Variants in TBK1 observed in about 807,000 individuals in gnomAD.
The protein encoded by TBK1 is serine/threonine-protein kinase TBK1.
TBK1 carries 37 observed loss-of-function variants against 99.9 expected under a neutral mutation model. That is an observed-to-expected ratio of 0.37 (90% confidence interval 0.28 to 0.49). The LOEUF is 0.49. Ranked by LOEUF, TBK1 falls within the 20% of genes least tolerant of loss-of-function variation. The pLI is 0.98. For missense variants in TBK1, 644 were observed against 872.5 expected, an observed-to-expected ratio of 0.74 and a Z score of 3.30; for synonymous variants, 258 against 279.8, an observed-to-expected ratio of 0.92 and a Z score of 0.78.
intron 13 of TBK1, among the ~76,000 whole-genome samples, chr12:64,493,416 C>T (rs576435341): frequency 6.6e-6 from 1 of 151,512 alleles, no homozygotes; most frequent in African/African-American, 2.4e-5. Flanking sequence ...CACTTGAGGC[C>T]AGGAGTTCGA....
chr12:64,498,971 G>A (rs554142710), intron 20 of TBK1, among the ~76,000 whole-genome samples: 58 of 150,136 alleles, frequency 3.9e-4, no homozygotes, highest in African/African-American at 1.3e-3. Flanking sequence ...AAAAAAAATG[G>A]ATATGGAATT....
At chr12:64,477,566 G>A (rs1565818178) in intron 6 of TBK1, among the ~76,000 whole-genome samples, 1 of 152,138 alleles carries the variant, frequency 6.6e-6, no homozygotes. Context: ...AATCTTTAGG[G>A]TTTTCTAGGT....
At chr12:64,484,592 TAAAAC>T (rs2040800445) in intron 9 of TBK1, 93 bp downstream of exon 9, 3 of 1,280,832 alleles carry the variant, frequency 2.3e-6, no homozygotes, top group Non-Finnish European at 3.2e-6. Flanking sequence ...TACAAAAAAA[TAAAAC>T]AAAAATTAGT....
At chr12:64,458,120 CAT>C (rs1491043972) in intron 2 of TBK1, among the ~76,000 whole-genome samples, 23 of 133,224 alleles carry the variant, frequency 1.7e-4, no homozygotes, top group Middle Eastern at 3.5e-3. Flanking sequence ...CACACACACA[CAT>C]ACACACACGA....
chr12:64,465,349 G>A (rs2040592673), intron 4 of TBK1, among the ~76,000 whole-genome samples: 1 of 149,606 alleles, frequency 6.7e-6, no homozygotes, highest in African/African-American at 2.5e-5. Flanking sequence ...CTAGAAAACA[G>A]TCTAGAGTTC....
Position 64,479,882 on chromosome 12 carries a change from T to C in TBK1, c.702-130T>C, listed in dbSNP as rs528404424. 46 of 586,812 alleles carry C rather than the reference T, an allele frequency of 7.8e-5. No homozygotes were observed. In the African/African-American group the frequency reaches 8.4e-4, roughly 11 times the overall value. 36.4% of individuals were successfully genotyped at this position (586,812 alleles called of 1,614,324 possible). ...TATTTTGATTGTTTTATGGATCCTG[T>C]GAGCATCAATCACAAAGTTTCATCT... On this transcript the variant is annotated intron_variant, in intron 6 of 20. Coordinates refer to ENST00000331710, the MANE Select transcript of TBK1 (RefSeq NM_013254.4).
rs1275510205 is a variant in TBK1 at position 64,497,029 on chromosome 12, A to G, written c.1841A>G (p.Asn614Ser). ...GTTAAAAAGTATGAGGCATTTTTGA[A>G]TAAGTCAGAAGAATGGATAAGGTGA... ...ECVKKYEAFLNKSEEWIRKML... is the reference protein window; with the variant it reads ...ECVKKYEAFLSKSEEWIRKML... Residue 614 changes from asparagine to serine, a missense_variant, in exon 17 of 21, where the codon AAT (asparagine) becomes AGT (serine). Around this residue, in one of 3 missense-constraint regions of TBK1, gnomAD observed 465 missense variants for 588.0 expected, o/e 0.79. Coordinates refer to ENST00000331710, the MANE Select transcript of TBK1 (RefSeq NM_013254.4). 6.2e-7 allele frequency: 1 copy of G among 1,613,068 alleles called. No homozygotes were observed. Among genetic ancestry groups the G allele is most frequent in the South Asian group, 1.1e-5 (1 of 90,956 alleles).
chr12:64,464,973 G>A (rs760283923), intron 4 of TBK1, among the ~76,000 whole-genome samples: 40 of 152,190 alleles, frequency 2.6e-4, no homozygotes, highest in Admixed American at 1.2e-3. Context: ...GCCAACCATG[G>A]TGGCTCACGC....
chr12:64,482,597 C>A (rs919258359), intron 8 of TBK1, among the ~76,000 whole-genome samples: 87 of 152,212 alleles, frequency 5.7e-4, no homozygotes, highest in African/African-American at 2.0e-3. Context: ...ACCATATATA[C>A]AACACTGGTT....
rs752407982 is a variant in TBK1 at position 64,484,306 on chromosome 12, T to A, written c.996T>A (p.Ala332=). ...CTTTTGAATTTTTCTCACACAGTGC[T>A]ACTATATTTCATGAACTGGTATATA... is the stretch of plus-strand genomic sequence containing the variant. ...HKIYIHSYNT[A]TIFHELVYKQ... Residue 332 remains alanine (A), a synonymous_variant, in exon 9 of 21, where the codon GCT becomes GCA. Coordinates refer to ENST00000331710, the MANE Select transcript of TBK1 (RefSeq NM_013254.4). 1.3e-5 allele frequency: 21 copies of A among 1,605,130 alleles called. No homozygotes were observed. Among genetic ancestry groups the A allele is most frequent in the Non-Finnish European group, 1.8e-5 (21 of 1,174,476 alleles).
chr12:64,479,993 T>G lies in TBK1; in HGVS notation c.702-19T>G. The G allele has an allele frequency of 6.4e-7, 1 of 1,568,976 alleles. No individual in the cohort carries two copies. Among genetic ancestry groups the G allele is most frequent in the South Asian group, 1.1e-5 (1 of 87,650 alleles). On this transcript the variant is annotated intron_variant, in intron 6 of 20. Transcript: ENST00000331710. ...CAAAAATGAACTGCTTATTTTATTC[T>G]GCTTTTGTTCCTCCCAAGGTATAAA...
Position 64,455,787 on chromosome 12 carries a change from C to T in TBK1, c.-31-53C>T, listed in dbSNP as rs970243667. Reference sequence around the variant, plus strand: ...GACTAAAAACAGCTAACATTTGTTTCTTAGCTGTGTTACTCCCTTAAAACA... The same window carrying T: ...GACTAAAAACAGCTAACATTTGTTTTTTAGCTGTGTTACTCCCTTAAAACA... On this transcript the variant is annotated intron_variant, in intron 1 of 20. Transcript: ENST00000331710. 4.5e-6 allele frequency: 4 copies of T among 887,254 alleles called. No individual in the cohort carries two copies. In the African/African-American group the frequency reaches 6.7e-5, roughly 15 times the overall value. The allele number at this position is 887,254 out of a possible 1,614,324, so 55.0% of individuals were successfully genotyped here.
At chr12:64,494,691 A>G (rs1404077876) in intron 13 of TBK1, among the ~76,000 whole-genome samples, 2 of 152,256 alleles carry the variant, frequency 1.3e-5, no homozygotes, top group Non-Finnish European at 1.5e-5. Context: ...TCTTGAAAAA[A>G]TGCTCAAATC....
chr12:64,489,749 TG>T (rs2040851603), intron 12 of TBK1, among the ~76,000 whole-genome samples: 1 of 151,066 alleles, frequency 6.6e-6, no homozygotes, highest in Admixed American at 6.6e-5. Flanking sequence ...TTTTTTTTTT[TG>T]TATTTTTAGT....
intron 6 of TBK1, among the ~76,000 whole-genome samples, chr12:64,476,737 A>G (rs1170947633): frequency 6.6e-6 from 1 of 152,048 alleles, no homozygotes; most frequent in Admixed American, 6.6e-5. Flanking sequence ...ATCCTGAATT[A>G]TTTGCCTAAG....
chr12:64,485,182 T>C (rs893631172), intron 9 of TBK1, among the ~76,000 whole-genome samples: 1 of 152,158 alleles, frequency 6.6e-6, no homozygotes, highest in African/African-American at 2.4e-5. Context: ...ACAGTTCTAT[T>C]TGAAGGTTGG....
chr12:64,473,225 G>C (rs557248429), intron 5 of TBK1, among the ~76,000 whole-genome samples: 1 of 152,308 alleles, frequency 6.6e-6, no homozygotes, highest in East Asian at 1.9e-4. Flanking sequence ...TAGGATATAT[G>C]AATCTGAAGC....
At chr12:64,499,130 G>T (rs1452991708) in intron 20 of TBK1, among the ~76,000 whole-genome samples, 1 of 131,062 alleles carries the variant, frequency 7.6e-6, no homozygotes, top group East Asian at 2.3e-4. Context: ...TGTAACCTCT[G>T]CCTCCCGGGT....
At chr12:64,495,386 A>G (rs1024999087) in intron 13 of TBK1, 97 bp from the exon 14 acceptor site, 1 of 1,447,978 alleles carries the variant, frequency 6.9e-7, no homozygotes, top group Non-Finnish European at 9.3e-7. Flanking sequence ...GAAGTAATCT[A>G]CAAAAGAAAT....
Sources: gnomAD v4.1 joint callset for allele counts (sites outside exome capture counted in the v4.1 genomes callset) on GRCh38, gnomAD v4.1.1 for gene constraint, gnomAD v4.1.1 regional missense constraint, MANE v1.5 for transcripts, NCBI Gene and HGNC (gene_info 2026-07-23, HGNC 2026-07-21) for gene names.